ADPGK: variants seen among roughly 807,000 people sequenced by gnomAD.
The protein encoded by ADPGK is ADP-dependent glucokinase.
ADPGK carries 26 observed loss-of-function variants against 42.4 expected under a neutral mutation model. The observed-to-expected ratio is 0.61, with a 90% CI of 0.45 to 0.85. The LOEUF (loss-of-function observed/expected upper bound fraction) is 0.85, where lower values mean the gene tolerates loss of function less well. Ranked by LOEUF, ADPGK falls within the 40% of genes least tolerant of loss-of-function variation. The probability of loss-of-function intolerance (pLI) is 0.00; values close to 1 mark genes in which losing one functional copy is unlikely to be tolerated. For missense variants in ADPGK, 571 were observed against 627.0 expected (o/e 0.91, Z 0.95); for synonymous variants, 267 against 252.6 (o/e 1.06, Z -0.54).
At chr15:72,774,109 C>T (rs1466638050) in intron 2 of ADPGK, among the ~76,000 whole-genome samples, 2 of 152,226 alleles carry the variant, frequency 1.3e-5, no homozygotes, top group Non-Finnish European at 2.9e-5. Flanking sequence ...TCCCAAAGTG[C>T]TGGGATTACA....
At chr15:72,776,287 GC>G (rs1357668640) in intron 1 of ADPGK, among the ~76,000 whole-genome samples, 6 of 152,028 alleles carry the variant, frequency 3.9e-5, no homozygotes, top group African/African-American at 7.2e-5. Flanking sequence ...AGGTCTTCCC[GC>G]CCCTACCCCT....
intron 3 of ADPGK, 48 bp from the exon 4 acceptor site, chr15:72,760,575 C>A: frequency 6.4e-7 from 1 of 1,567,824 alleles, no homozygotes; most frequent in South Asian, 1.2e-5. Context: ...TTCCTTTCCC[C>A]ACAGAACCTC....
chr15:72,756,000 G>C (rs1017468911), intron 5 of ADPGK: 3 of 676,854 alleles, frequency 4.4e-6, no homozygotes, highest in African/African-American at 3.5e-5. Context: ...TTGCAGCCAT[G>C]GTCGGTTTAG....
intron 3 of ADPGK, among the ~76,000 whole-genome samples, chr15:72,762,016 C>T (rs570221116): frequency 3.3e-5 from 5 of 152,266 alleles, no homozygotes; most frequent in Admixed American, 6.5e-5. Flanking sequence ...GGATTACAGG[C>T]GCGTGCCACC....
chr15:72,756,083 G>T, intron 5 of ADPGK, 168 bp downstream of exon 5: 1 of 773,022 alleles, frequency 1.3e-6, no homozygotes, highest in Non-Finnish European at 2.2e-6. Flanking sequence ...CATCTGAAGG[G>T]ATACAGTGAG....
chr15:72,758,490 T>C (rs934299938), intron 4 of ADPGK: 1 of 326,288 alleles, frequency 3.1e-6, no homozygotes, highest in African/African-American at 2.1e-5. Context: ...AAGCTGGGAA[T>C]GGATTTCTGT....
intron 3 of ADPGK, among the ~76,000 whole-genome samples, chr15:72,765,640 CA>C (rs1353523726): frequency 1.3e-5 from 2 of 152,164 alleles, no homozygotes; most frequent in African/African-American, 4.8e-5. Context: ...ACAGGAGTTT[CA>C]AAGAGATTGA....
chr15:72,777,468 A>G (rs753610337), intron 1 of ADPGK, among the ~76,000 whole-genome samples: 1 of 152,120 alleles, frequency 6.6e-6, no homozygotes, highest in Non-Finnish European at 1.5e-5. Context: ...TCATGAGGTC[A>G]GGAGTTTGAG....
In ADPGK at chr15:72,752,724, T is replaced by G. The variant is rs1277328482; in HGVS notation, c.1111A>C (p.Ser371Arg). 3 of 1,614,076 alleles carry G rather than the reference T, an allele frequency of 1.9e-6. No homozygotes were observed. The African/African-American group carries it at 4.0e-5, about 22-fold the overall frequency. Residue 371 changes from serine (S) to arginine (R), a missense_variant, in exon 7 of 7, where the codon AGC (serine) becomes CGC (arginine). Around this residue, in one of 2 missense-constraint regions of ADPGK, gnomAD observed 434 missense variants for 522.7 expected, o/e 0.83. Coordinates refer to ENST00000456471, the MANE Select transcript of ADPGK (RefSeq NM_001365225.1). The stretch of plus-strand genomic sequence containing the variant: ...ATCCTGGTGAGATCCGAGGCTCTGC[T>G]TTTACTCCTCCCATGTTCTTTCAAG... ...WILKEHGRSK[S>R]RASDLTRIHF...
At position 72,752,212 on chromosome 15, in the gene ADPGK, A is replaced by T; in HGVS notation, c.*129T>A. 2 of 923,612 alleles carry T rather than the reference A, an allele frequency of 2.2e-6. No homozygotes were observed. The highest frequency in any genetic ancestry group is 3.9e-5 in the South Asian group (2 of 51,610). The allele number at this position is 923,612 out of a possible 1,614,324, so 57.2% of individuals were successfully genotyped here. A position where few individuals can be genotyped will look rare whatever the true frequency, so the allele number is the denominator to read the frequency against. Reference sequence around the variant, plus strand: ...GAAATGTTTTTATGGAGTTGCCAACAGGCTGGAATGTACCTGATACAGTTT... The same window carrying T: ...GAAATGTTTTTATGGAGTTGCCAACTGGCTGGAATGTACCTGATACAGTTT... On this transcript the variant is annotated 3_prime_UTR_variant, in exon 7 of 7. Coordinates refer to ENST00000456471, the MANE Select transcript of ADPGK (RefSeq NM_001365225.1).
At chr15:72,761,883 ATTTTT>A (rs1158191092) in intron 3 of ADPGK, among the ~76,000 whole-genome samples, 1 of 149,758 alleles carries the variant, frequency 6.7e-6, no homozygotes, top group South Asian at 2.1e-4. Flanking sequence ...TTTATTTTTA[ATTTTT>A]TTGAGACAGA....
At chr15:72,763,138 A>G (rs918350834) in intron 3 of ADPGK, among the ~76,000 whole-genome samples, 3 of 152,070 alleles carry the variant, frequency 2.0e-5, no homozygotes, top group African/African-American at 7.2e-5. Context: ...GGAGAATGAC[A>G]TGAGATGGAA....
At chr15:72,758,147 A>C (rs1248451251) in intron 4 of ADPGK, 1 of 1,612,700 alleles carries the variant, frequency 6.2e-7, no homozygotes, top group Non-Finnish European at 8.5e-7. Flanking sequence ...GTCTGGCTGA[A>C]ACTCCTCCAG....
At position 72,758,164 on chromosome 15, in the gene ADPGK, C is replaced by T. The variant is rs1257719601; in HGVS notation, c.644-1717G>A. ...CTGGCTGAAACTCCTCCAGGCTAGA[C>T]ACAAACACCTCCAGCATATTCATGG... On this transcript the variant is annotated intron_variant, in intron 4 of 6. Coordinates refer to ENST00000456471, the MANE Select transcript of ADPGK (RefSeq NM_001365225.1). 15 of 1,588,562 alleles carry T rather than the reference C, an allele frequency of 9.4e-6. No individual in the cohort carries two copies. In the East Asian group the frequency reaches 3.4e-4, roughly 35 times the overall value.
At chr15:72,755,350 C>T (rs2066097463) in intron 6 of ADPGK, among the ~76,000 whole-genome samples, 1 of 152,216 alleles carries the variant, frequency 6.6e-6, no homozygotes, top group South Asian at 2.1e-4. Flanking sequence ...GTTACACTGC[C>T]ATAACTTTAA....
rs371932314 is a variant in ADPGK at position 72,779,306 on chromosome 15, C to T, written c.233+4153G>A. The stretch of plus-strand genomic sequence containing the variant: ...TCTTGTTGCCCAGGCTGGAATGCAA[C>T]GGCGCGATCTCGGCTCACCGCAACC... On this transcript the variant is annotated intron_variant, in intron 1 of 6. Coordinates refer to ENST00000456471, the MANE Select transcript of ADPGK (RefSeq NM_001365225.1). Among the ~76,000 whole-genome samples, 39 of 131,182 alleles carry T rather than the reference C, an allele frequency of 3.0e-4. No homozygotes were observed. In the East Asian group the frequency reaches 4.8e-3, roughly 16 times the overall value. The allele number at this position is 131,182 out of a possible 152,430, so 86.1% of individuals were successfully genotyped here.
At chr15:72,755,988 G>A (rs1380829766) in intron 5 of ADPGK, 1 of 671,148 alleles carries the variant, frequency 1.5e-6, no homozygotes, top group African/African-American at 1.8e-5. Flanking sequence ...AAACCCTGCA[G>A]CTTGCAGCCA....
intron 6 of ADPGK, among the ~76,000 whole-genome samples, chr15:72,755,253 T>C (rs1472386796): frequency 6.6e-6 from 1 of 152,270 alleles, no homozygotes; most frequent in Non-Finnish European, 1.5e-5. Flanking sequence ...GAAGTTCAAC[T>C]GAAAGCAGCT....
chr15:72,760,563 C>T (rs761043227), intron 3 of ADPGK, 36 bp from the exon 4 acceptor site: 59 of 1,576,156 alleles, frequency 3.7e-5, no homozygotes, highest in Non-Finnish European at 4.7e-5. Context: ...TCAGGAGCCC[C>T]GTTCCTTTCC....
Sources: allele counts gnomAD v4.1 joint callset (sites outside exome capture counted in the v4.1 genomes callset), GRCh38; gene constraint gnomAD v4.1.1; regional missense constraint gnomAD v4.1.1; transcripts MANE v1.5; gene names NCBI Gene and HGNC (gene_info 2026-07-23, HGNC 2026-07-21).